The following MAP3K4 variants were observed in gnomAD, a reference collection of about 807,000 sequenced individuals.
MAP3K4 encodes the protein MAP three kinase 1.
In MAP3K4, 67 loss-of-function variants were observed where a neutral mutation model predicts 185.6. The ratio of observed to expected loss-of-function variants is 0.36; its 90% confidence interval spans 0.30 to 0.44. MAP3K4 has a LOEUF of 0.44. Among genes scored for constraint, MAP3K4 ranks in the 20% least tolerant of loss-of-function variants. The probability of loss-of-function intolerance (pLI) is 1.00; values close to 1 mark genes in which losing one functional copy is unlikely to be tolerated. For synonymous variants in MAP3K4, 702 were observed against 710.4 expected, an observed-to-expected ratio of 0.99 and a Z score of 0.19; for missense variants, 1,551 against 1,995.1, an observed-to-expected ratio of 0.78 and a Z score of 4.24.
In MAP3K4 at chr6:161,111,389, CAT is replaced by C. The variant is rs146648841; in HGVS notation, c.4397-443_4397-442del. Among the ~76,000 whole-genome samples, 711 of 152,336 alleles carry C rather than the reference CAT, an allele frequency of 4.7e-3. 2 individuals carry two copies. Among genetic ancestry groups the C allele is most frequent in the South Asian group, 8.5e-3 (41 of 4,830 alleles). On this transcript the variant is annotated intron_variant, in intron 23 of 26. Transcript: ENST00000392142. ...ATTGCAGAACAGTTTTCAGTCACGT[CAT>C]ATAAATGCAAGGGCCTCAGCTGGGA...
Position 161,107,735 on chromosome 6 carries a change from C to A in MAP3K4, c.4049-164C>A, listed in dbSNP as rs2114911206. On this transcript the variant is annotated intron_variant, in intron 20 of 26. Coordinates refer to ENST00000392142, the MANE Select transcript of MAP3K4 (RefSeq NM_005922.4). This position sits in a 1 kb window ranked among gnomAD's most constrained non-coding sequence, Gnocchi z 6.2. ...GCCTAAAACTTTAGTTATCAGGGAA[C>A]ATTTAGAAAAATTTTGGATCTTGCA... is the stretch of plus-strand genomic sequence containing the variant. Among the ~76,000 whole-genome samples, 2 of 152,256 alleles carry A rather than the reference C, an allele frequency of 1.3e-5. No homozygotes were observed. Among genetic ancestry groups the A allele is most frequent in the South Asian group, 4.1e-4 (2 of 4,826 alleles).
At chr6:161,039,147 C>T (rs552267545) in intron 2 of MAP3K4, among the ~76,000 whole-genome samples, 3 of 152,030 alleles carry the variant, frequency 2.0e-5, no homozygotes, top group African/African-American at 4.8e-5. Context: ...CTCAAGGCAG[C>T]GGTACCAGGT....
rs539803562 is a variant in MAP3K4 at position 161,061,615 on chromosome 6, C to T, written c.1708-8993C>T. Among the ~76,000 whole-genome samples the T allele has an allele frequency of 6.6e-6, 1 of 152,312 alleles. No individual in the cohort carries two copies. Among genetic ancestry groups the T allele is most frequent in the East Asian group, 1.9e-4 (1 of 5,176 alleles). On this transcript the variant is annotated intron_variant, in intron 3 of 26. Transcript: ENST00000392142. The surrounding 1 kb of genome is among the most constrained non-coding windows in gnomAD (Gnocchi z 4.2). The stretch of plus-strand genomic sequence containing the variant: ...TCCTGTACCCTTTAGCTGTCACCTC[C>T]ACAATTCCTGTGCTCACTAGCCCTA...
rs1785028637 is a variant in MAP3K4, at chr6:161,073,295, C to A, written c.1951-171C>A. On this transcript the variant is annotated intron_variant, in intron 4 of 26. Transcript: ENST00000392142. The surrounding 1 kb of genome is among the most constrained non-coding windows in gnomAD (Gnocchi z 4.2). ...CTGTTTTGTTGCTTCTCAATTGAGA[C>A]TACTAAGGTATTTACATAAAATGAA... 2 of 496,866 alleles carry A rather than the reference C, an allele frequency of 4.0e-6. No homozygotes were observed. Among genetic ancestry groups the A allele is most frequent in the Non-Finnish European group, 6.9e-6 (2 of 289,680 alleles). 30.8% of individuals were successfully genotyped at this position (496,866 alleles called of 1,614,324 possible). A position where few individuals can be genotyped will look rare whatever the true frequency, so the allele number is the denominator to read the frequency against.
At chr6:161,006,282 A>C (rs1781578796) in intron 1 of MAP3K4, among the ~76,000 whole-genome samples, 1 of 152,188 alleles carries the variant, frequency 6.6e-6, no homozygotes, top group African/African-American at 2.4e-5. Flanking sequence ...TTATAGAAGG[A>C]CAGCTGGCCT....
chr6:161,079,067 A>G (rs1667178331), intron 5 of MAP3K4, among the ~76,000 whole-genome samples: 2 of 151,356 alleles, frequency 1.3e-5, no homozygotes, highest in Admixed American at 6.6e-5. Flanking sequence ...TACAAAAATC[A>G]GCTGGGCATG....
intron 1 of MAP3K4, among the ~76,000 whole-genome samples, chr6:161,003,091 A>T (rs1191125720): frequency 6.6e-6 from 1 of 152,206 alleles, no homozygotes; most frequent in African/African-American, 2.4e-5. Context: ...GACTTGATAC[A>T]AATATTTTTG....
chr6:161,091,443 C>G lies in MAP3K4; in HGVS notation c.3038C>G (p.Thr1013Arg). Residue 1013 changes from threonine to arginine, a missense_variant, in exon 12 of 27, where the codon ACA (threonine) becomes AGA (arginine). Transcript: ENST00000392142. This position sits in a 1 kb window ranked among gnomAD's most constrained non-coding sequence, Gnocchi z 5.5. The stretch of plus-strand genomic sequence containing the variant: ...ATTGACCGCGTGGACCACATGTTCA[C>G]ATCAGAATTTGATGCTGAGGTTGAT... The part of the protein sequence containing the change: ...NAIDRVDHMF[T>R]SEFDAEVDES... 1 of 1,614,018 alleles carries G rather than the reference C, an allele frequency of 6.2e-7. No individual in the cohort carries two copies.
At chr6:161,079,278 A>G (rs148830679) in intron 5 of MAP3K4, among the ~76,000 whole-genome samples, 17 of 149,590 alleles carry the variant, frequency 1.1e-4, no homozygotes, top group Non-Finnish European at 2.4e-4. Flanking sequence ...CTTTGAGTGC[A>G]TAGAAAGACA....
chr6:161,016,133 G>A (rs1454074617), intron 1 of MAP3K4, among the ~76,000 whole-genome samples: 1 of 152,098 alleles, frequency 6.6e-6, no homozygotes, highest in East Asian at 1.9e-4. Context: ...TCCAGTGGTG[G>A]TGATTATCTT....
At chr6:161,047,190 C>T (rs1436174072) in intron 2 of MAP3K4, among the ~76,000 whole-genome samples, 5 of 146,870 alleles carry the variant, frequency 3.4e-5, no homozygotes, top group African/African-American at 1.3e-4. Flanking sequence ...CCTGTAATCT[C>T]AGCACTTTGG....
chr6:161,052,807 A>G (rs768340208), intron 3 of MAP3K4, among the ~76,000 whole-genome samples: 11 of 151,978 alleles, frequency 7.2e-5, no homozygotes, highest in Non-Finnish European at 1.3e-4. Context: ...TAGTCGTTTT[A>G]TTTGGTATGT....
rs1456263899 is a variant in MAP3K4, at chr6:161,111,958, G to C, written c.4519G>C (p.Ala1507Pro). ...GEVNSTLGTA[A>P]YMAPEVITRA... ...AGTGAACAGCACCCTGGGGACAGCA[G>C]GTAGGGACCAGCCTGGTTGTTCTTT... Residue 1507 changes from alanine to proline, a missense_variant and splice_region_variant, in exon 24 of 27, where the codon GCA becomes CCA. By Grantham distance (27) the Ala-to-Pro change is conservative. Around this residue, in one of 16 missense-constraint regions of MAP3K4, gnomAD observed 159 missense variants for 300.5 expected, o/e 0.53. Coordinates refer to ENST00000392142, the MANE Select transcript of MAP3K4 (RefSeq NM_005922.4). The C allele has an allele frequency of 6.2e-7, 1 of 1,613,840 alleles. No homozygotes were observed. The highest frequency in any genetic ancestry group is 8.5e-7 in the Non-Finnish European group (1 of 1,179,886).
Position 161,091,989 on chromosome 6 carries a change from A to T in MAP3K4, c.3136-21A>T. The T allele has an allele frequency of 2.5e-6, 4 of 1,594,508 alleles. No homozygotes were observed. Among genetic ancestry groups the T allele is most frequent in the Non-Finnish European group, 3.4e-6 (4 of 1,162,548 alleles). ...TAATGATCATTTCCTTAATGTTGATATACATGAAATCTTCTTACAGTATCA... is the reference window on the plus strand; with the variant it reads ...TAATGATCATTTCCTTAATGTTGATTTACATGAAATCTTCTTACAGTATCA... On this transcript the variant is annotated intron_variant, in intron 12 of 26. Coordinates refer to ENST00000392142, the MANE Select transcript of MAP3K4 (RefSeq NM_005922.4). The surrounding 1 kb of genome is among the most constrained non-coding windows in gnomAD (Gnocchi z 5.5).
At chr6:161,045,105 A>C (rs1185744388) in intron 2 of MAP3K4, among the ~76,000 whole-genome samples, 5 of 152,204 alleles carry the variant, frequency 3.3e-5, no homozygotes, top group Admixed American at 3.3e-4. Flanking sequence ...TCCTTTTTGC[A>C]CAGTAGCTAG....
Position 161,106,471 on chromosome 6 carries a change from A to T in MAP3K4, c.3857-43A>T. The T allele has an allele frequency of 6.9e-7, 1 of 1,451,452 alleles. No homozygotes were observed. Among genetic ancestry groups the T allele is most frequent in the Non-Finnish European group, 9.4e-7 (1 of 1,063,746 alleles). 89.9% of individuals were successfully genotyped at this position (1,451,452 alleles called of 1,614,324 possible). Reference sequence around the variant, plus strand: ...GGTTTGTCTTTTGGAAACTGACTTGATAACAGTGATTGGGACTAATGAGGT... The same window carrying T: ...GGTTTGTCTTTTGGAAACTGACTTGTTAACAGTGATTGGGACTAATGAGGT... On this transcript the variant is annotated intron_variant, in intron 19 of 26. Transcript: ENST00000392142. This position sits in a 1 kb window ranked among gnomAD's most constrained non-coding sequence, Gnocchi z 4.9.
At chr6:160,995,868 C>T (rs1780963636) in intron 1 of MAP3K4, among the ~76,000 whole-genome samples, 1 of 152,094 alleles carries the variant, frequency 6.6e-6, no homozygotes, top group African/African-American at 2.4e-5. Context: ...TTTACTATAA[C>T]CTTTCATTTA....
Position 161,049,768 on chromosome 6 carries a change from C to A in MAP3K4, c.1496C>A (p.Ser499Tyr), listed in dbSNP as rs754851888. 1.2e-6 allele frequency: 2 copies of A among 1,614,024 alleles called. No individual in the cohort carries two copies. Residue 499 changes from serine to tyrosine, a missense_variant, in exon 3 of 27, where the codon TCT (serine) becomes TAT (tyrosine). Ser to Tyr is a moderately radical substitution (Grantham distance 144, BLOSUM62 -2). Transcript: ENST00000392142. This position sits in a 1 kb window ranked among gnomAD's most constrained non-coding sequence, Gnocchi z 8.4. ...TCCAAGAAGCTTGAGAGGCTCGAAT[C>A]TGAGGATGATTCTCTTGGCTGGGGA... The part of the protein sequence containing the change: ...CISKKLERLE[S>Y]EDDSLGWGAP...
intron 1 of MAP3K4, among the ~76,000 whole-genome samples, chr6:161,025,822 T>C (rs1782622501): frequency 6.6e-6 from 1 of 152,218 alleles, no homozygotes; most frequent in African/African-American, 2.4e-5. Flanking sequence ...GTAAACTCTT[T>C]TATGTTTTGT....
Sources: allele counts gnomAD v4.1 joint callset (sites outside exome capture counted in the v4.1 genomes callset), GRCh38; gene constraint gnomAD v4.1.1; regional missense constraint gnomAD v4.1.1; non-coding constraint Gnocchi (gnomAD v3.1); transcripts MANE v1.5; gene names NCBI Gene and HGNC (gene_info 2026-07-23, HGNC 2026-07-21).